POR: variants seen among roughly 807,000 people sequenced by gnomAD.
The protein encoded by POR is cytochrome p450 oxidoreductase.
A neutral mutation model predicts 84.0 loss-of-function variants in POR; 56 were observed. That is an observed-to-expected ratio of 0.67 (90% CI 0.54 to 0.83). The LOEUF (loss-of-function observed/expected upper bound fraction) is 0.83, where lower values mean the gene tolerates loss of function less well. Among genes scored for constraint, POR ranks in the 40% least tolerant of loss-of-function variants. The pLI, the probability that POR is intolerant of heterozygous loss-of-function variation, is 0.00. For synonymous variants in POR, 414 were observed against 400.5 expected (o/e 1.03, Z -0.40); for missense variants, 938 against 944.3 (o/e 0.99, Z 0.09).
intron 1 of POR, among the ~76,000 whole-genome samples, chr7:75,934,762 A>G (rs1419788022): frequency 1.3e-5 from 2 of 152,190 alleles, no homozygotes; most frequent in African/African-American, 2.4e-5. Flanking sequence ...GCCCAGATAC[A>G]GCTCAGGCTG....
At chr7:75,933,087 A>G (rs1554550335) in intron 1 of POR, among the ~76,000 whole-genome samples, 1 of 151,478 alleles carries the variant, frequency 6.6e-6, no homozygotes, top group Non-Finnish European at 1.5e-5. Context: ...GTAGAATGAA[A>G]CCAAATAAGA....
intron 1 of POR, among the ~76,000 whole-genome samples, chr7:75,952,419 C>T (rs1345810884): frequency 7.1e-6 from 1 of 139,864 alleles, no homozygotes; most frequent in Non-Finnish European, 1.6e-5. Context: ...GGGGGCTGAC[C>T]CCCCCACCTC....
intron 1 of POR, among the ~76,000 whole-genome samples, chr7:75,933,391 T>TTG (rs1563403281): frequency 1.8e-4 from 17 of 94,124 alleles, no homozygotes; most frequent in African/African-American, 1.3e-3. Flanking sequence ...TTTTTTTTTT[T>TTG]TTTTTTTTTT....
At chr7:75,979,929 A>C (rs952763419) in intron 4 of POR, 43 of 378,626 alleles carry the variant, frequency 1.1e-4, no homozygotes, top group African/African-American at 8.0e-4. Flanking sequence ...ACTACCCCAC[A>C]GCCCTCTCCA....
rs561138286 is a variant in POR, at chr7:75,980,326, CCT to C, written c.367-12_367-11del. On this transcript the variant is annotated splice_polypyrimidine_tract_variant and intron_variant, in intron 4 of 15. Transcript: ENST00000461988. The stretch of plus-strand genomic sequence containing the variant: ...GTCATGGCCGGGGCGCGGTCCTGTC[CCT>C]GTTTCTGCAGGCCGACCTGAGCAGC... 7.3e-5 allele frequency: 118 copies of C among 1,610,712 alleles called. No homozygotes were observed. The highest frequency in any genetic ancestry group is 9.4e-5 in the Non-Finnish European group (111 of 1,178,198).
chr7:75,943,236 C>G lies in POR; in HGVS notation c.-4-10753C>G, dbSNP rs188659189. On this transcript the variant is annotated intron_variant, in intron 1 of 15. Coordinates refer to ENST00000461988, the MANE Select transcript of POR (RefSeq NM_000941.3). ...AAAATGCTGGGTTTACAGGCATGAG[C>G]CACCGTGCCCGGCCCTCTCTTTTTT... Among the ~76,000 whole-genome samples the G allele has an allele frequency of 2.4e-3, 364 of 152,286 alleles. 3 individuals carry two copies. Among genetic ancestry groups the G allele is most frequent in the African/African-American group, 8.0e-3 (332 of 41,562 alleles).
At chr7:75,944,335 C>T (rs1010487881) in intron 1 of POR, among the ~76,000 whole-genome samples, 1 of 152,026 alleles carries the variant, frequency 6.6e-6, no homozygotes, top group Admixed American at 6.6e-5. Context: ...GAGACCAGCC[C>T]CAGCAACATG....
chr7:75,954,706 A>AT (rs3043449), intron 2 of POR, among the ~76,000 whole-genome samples: 7,165 of 130,550 alleles, frequency 0.055, 561 homozygotes, highest in African/African-American at 0.17. Flanking sequence ...TGCCCAGCTA[A>AT]TTTTTTTTTT....
intron 1 of POR, among the ~76,000 whole-genome samples, chr7:75,930,024 G>T (rs782811506): frequency 5.3e-5 from 8 of 152,162 alleles, no homozygotes; most frequent in Admixed American, 1.3e-4. Flanking sequence ...TCTGTAAGTT[G>T]TGGGAATTTC....
chr7:75,918,122 C>T (rs1042195325), intron 1 of POR, among the ~76,000 whole-genome samples: 47 of 152,280 alleles, frequency 3.1e-4, no homozygotes, highest in Non-Finnish European at 5.7e-4. Context: ...GCCTGGCCAA[C>T]GTGGTGAAAC....
intron 1 of POR, among the ~76,000 whole-genome samples, chr7:75,917,272 T>G (rs1247075625): frequency 6.6e-6 from 1 of 152,074 alleles, no homozygotes; most frequent in Non-Finnish European, 1.5e-5. Flanking sequence ...TTTGCCATGT[T>G]GCCCAGGCTG....
At position 75,982,331 on chromosome 7, in the gene POR, A is replaced by G. The variant is rs1367974047; in HGVS notation, c.830+9A>G. On this transcript the variant is annotated intron_variant, in intron 8 of 15. Transcript: ENST00000461988. Reference sequence around the variant, plus strand: ...TACGAGAACCAGAAGCCGTGAGTGGAGGGAGCGTGGCTTGGGGCAGACGGC... The same window carrying G: ...TACGAGAACCAGAAGCCGTGAGTGGGGGGAGCGTGGCTTGGGGCAGACGGC... The G allele has an allele frequency of 9.3e-6, 15 of 1,606,036 alleles. No homozygotes were observed. Among genetic ancestry groups the G allele is most frequent in the Non-Finnish European group, 1.2e-5 (14 of 1,176,214 alleles).
intron 1 of POR, among the ~76,000 whole-genome samples, chr7:75,933,564 A>G (rs1200268892): frequency 6.6e-6 from 1 of 150,432 alleles, no homozygotes; most frequent in Admixed American, 6.6e-5. Context: ...AATTTTTTGT[A>G]TTTTTAGTAG....
chr7:75,979,681 G>C, intron 4 of POR, 102 bp downstream of exon 4: 2 of 1,499,528 alleles, frequency 1.3e-6, no homozygotes, highest in East Asian at 2.3e-5. Flanking sequence ...CAGGGAGTGG[G>C]GTCCTGGGAA....
chr7:75,929,138 A>G (rs370384924), intron 1 of POR, among the ~76,000 whole-genome samples: 1 of 152,202 alleles, frequency 6.6e-6, no homozygotes, highest in Admixed American at 6.5e-5. Context: ...GATGGGATCT[A>G]ATTATTACTG....
At chr7:75,956,570 G>A (rs1313021077) in intron 2 of POR, among the ~76,000 whole-genome samples, 3 of 152,154 alleles carry the variant, frequency 2.0e-5, no homozygotes. Context: ...TGTCTTAAAT[G>A]AGGAAGAGTC....
At chr7:75,945,178 G>A (rs991515296) in intron 1 of POR, 2 of 152,104 alleles carry the variant, frequency 1.3e-5, no homozygotes, top group African/African-American at 4.8e-5. Context: ...CTACTCAGGA[G>A]GCCTGAGGCA....
intron 1 of POR, among the ~76,000 whole-genome samples, chr7:75,949,387 C>T (rs970442728): frequency 6.6e-6 from 1 of 152,114 alleles, no homozygotes; most frequent in South Asian, 2.1e-4. Context: ...AACTCCTGAC[C>T]TCGTGATCCA....
intron 1 of POR, among the ~76,000 whole-genome samples, chr7:75,920,104 C>T (rs1427566489): frequency 5.6e-5 from 7 of 125,232 alleles, no homozygotes; most frequent in Non-Finnish European, 7.8e-5. Flanking sequence ...CTGACTCTCT[C>T]GCCTAGGCTG....
Sources: gnomAD v4.1 joint callset for allele counts (sites outside exome capture counted in the v4.1 genomes callset) on GRCh38, gnomAD v4.1.1 for gene constraint, MANE v1.5 for transcripts, NCBI Gene and HGNC (gene_info 2026-07-23, HGNC 2026-07-21) for gene names.